NFIB: variants seen among roughly 807,000 people sequenced by gnomAD.
The protein encoded by NFIB is nuclear factor I B.
Under a neutral mutation model 61.5 loss-of-function variants are expected in NFIB, and 11 were observed. That is an observed-to-expected ratio of 0.18 (90% CI 0.11 to 0.30). NFIB has a LOEUF of 0.30. Among genes scored for constraint, NFIB ranks in the 10% least tolerant of loss-of-function variants. NFIB has a pLI of 1.00. For missense variants in NFIB, 471 were observed against 608.9 expected (o/e 0.77, Z 2.38); for synonymous variants, 260 against 216.5 (o/e 1.20, Z -1.76).
the NFIB span, among the ~76,000 whole-genome samples, chr9:14,509,791 C>T: frequency 6.6e-6 from 1 of 152,200 alleles, no homozygotes; most frequent in East Asian, 1.9e-4. Flanking sequence ...GGTGAAATGG[C>T]CCTTCCTGGT....
At chr9:14,507,327 G>A in the NFIB span, among the ~76,000 whole-genome samples, 1 of 152,186 alleles carries the variant, frequency 6.6e-6, no homozygotes, top group Non-Finnish European at 1.5e-5. Flanking sequence ...CATAAGTGGA[G>A]CTTTAAAGAT....
chr9:14,151,669 C>A (rs561388238), intron 4 of NFIB, among the ~76,000 whole-genome samples: 1 of 152,236 alleles, frequency 6.6e-6, no homozygotes, highest in South Asian at 2.1e-4. Flanking sequence ...TCATTCTAAA[C>A]AGGGACTGCT....
the NFIB span, among the ~76,000 whole-genome samples, chr9:14,434,459 T>C: frequency 1.3e-5 from 2 of 152,144 alleles, no homozygotes; most frequent in African/African-American, 4.8e-5. Flanking sequence ...AGCACAACAA[T>C]AAAAAATATA....
At chr9:14,212,975 C>G (rs2050469506) in intron 2 of NFIB, among the ~76,000 whole-genome samples, 1 of 152,176 alleles carries the variant, frequency 6.6e-6, no homozygotes, top group African/African-American at 2.4e-5. Flanking sequence ...CTTCCCCATT[C>G]CAGTCTCAGA....
intron 2 of NFIB, among the ~76,000 whole-genome samples, chr9:14,305,497 T>C (rs2059970659): frequency 1.3e-5 from 2 of 152,206 alleles, no homozygotes; most frequent in African/African-American, 2.4e-5. Flanking sequence ...TTAGGACACA[T>C]GGGACAAAAA....
At chr9:14,125,505 C>T in intron 7 of NFIB, 127 bp downstream of exon 7, 9 of 1,287,752 alleles carry the variant, frequency 7.0e-6, no homozygotes, top group Non-Finnish European at 9.6e-6. Context: ...CGGATTGTGC[C>T]CCTCACCATA....
At chr9:14,457,321 T>TA in the NFIB span, among the ~76,000 whole-genome samples, 3 of 152,130 alleles carry the variant, frequency 2.0e-5, no homozygotes, top group Admixed American at 6.5e-5. Flanking sequence ...AAATTAAATT[T>TA]AAAAAAATGA....
the NFIB span, among the ~76,000 whole-genome samples, chr9:14,488,066 A>G: frequency 1.3e-5 from 2 of 152,232 alleles, no homozygotes; most frequent in Non-Finnish European, 2.9e-5. Context: ...ATGTATCTGG[A>G]TTTTAACTTA....
At chr9:14,517,460 C>G in the NFIB span, among the ~76,000 whole-genome samples, 2 of 152,210 alleles carry the variant, frequency 1.3e-5, no homozygotes, top group African/African-American at 4.8e-5. Flanking sequence ...CACAGTACAT[C>G]TGGCCACAGT....
At chr9:14,436,798 T>A in the NFIB span, among the ~76,000 whole-genome samples, 1 of 152,174 alleles carries the variant, frequency 6.6e-6, no homozygotes, top group Non-Finnish European at 1.5e-5. Context: ...CTACTATAGT[T>A]CAGTTATTTT....
At chr9:14,167,775 C>A (rs952928845) in intron 3 of NFIB, among the ~76,000 whole-genome samples, 6 of 152,016 alleles carry the variant, frequency 3.9e-5, no homozygotes, top group African/African-American at 1.4e-4. Context: ...TATTTTTTTG[C>A]AGCTTCTAGA....
At chr9:14,174,014 T>C (rs1236332321) in intron 3 of NFIB, among the ~76,000 whole-genome samples, 1 of 152,202 alleles carries the variant, frequency 6.6e-6, no homozygotes, top group Admixed American at 6.5e-5. Flanking sequence ...TGCGTTCTTC[T>C]GGCTTTTTAA....
intron 4 of NFIB, among the ~76,000 whole-genome samples, chr9:14,153,962 G>T (rs1438566020): frequency 1.3e-5 from 2 of 152,050 alleles, no homozygotes; most frequent in African/African-American, 4.8e-5. Context: ...AATGAATATA[G>T]ATAATTAATG....
At chr9:14,460,004 C>G in the NFIB span, among the ~76,000 whole-genome samples, 2 of 152,038 alleles carry the variant, frequency 1.3e-5, no homozygotes, top group Non-Finnish European at 2.9e-5. Flanking sequence ...TTGACCCAGC[C>G]ATCCCATTAC....
At chr9:14,414,084 G>A in the NFIB span, among the ~76,000 whole-genome samples, 4 of 151,970 alleles carry the variant, frequency 2.6e-5, no homozygotes, top group South Asian at 2.1e-4. Flanking sequence ...AGGTCCTCTC[G>A]GAAGTCTAGT....
intron 1 of NFIB, among the ~76,000 whole-genome samples, chr9:14,340,636 T>G (rs2060938802): frequency 6.6e-6 from 1 of 152,246 alleles, no homozygotes; most frequent in African/African-American, 2.4e-5. Flanking sequence ...AAGCAAACTT[T>G]TCTCTCGAAC....
chr9:14,347,252 C>A (rs1213066886), intron 1 of NFIB: 2 of 152,000 alleles, frequency 1.3e-5, no homozygotes, highest in East Asian at 3.9e-4. Flanking sequence ...GAGGAGGGGG[C>A]GGGAACGGTC....
the NFIB span, among the ~76,000 whole-genome samples, chr9:14,404,209 G>A: frequency 6.6e-6 from 1 of 152,050 alleles, no homozygotes; most frequent in Non-Finnish European, 1.5e-5. Flanking sequence ...CTGTATTTAG[G>A]TTTAAACAAC....
At chr9:14,499,276 G>C in the NFIB span, among the ~76,000 whole-genome samples, 1 of 152,134 alleles carries the variant, frequency 6.6e-6, no homozygotes, top group Non-Finnish European at 1.5e-5. Flanking sequence ...TGAAAGGCTT[G>C]GGAATGAAGA....
Sources: allele counts gnomAD v4.1 joint callset (sites outside exome capture counted in the v4.1 genomes callset), GRCh38; gene constraint gnomAD v4.1.1; transcripts MANE v1.5; gene names NCBI Gene and HGNC (gene_info 2026-07-23, HGNC 2026-07-21).